The following FERMT2 variants were observed in gnomAD, a reference collection of about 807,000 sequenced individuals.
The protein encoded by FERMT2 is fermitin family homolog 2.
A neutral mutation model predicts 82.7 loss-of-function variants in FERMT2; 15 were observed. The observed-to-expected ratio is 0.18, with a 90% CI of 0.12 to 0.28. FERMT2 has a LOEUF of 0.28. Ranked by LOEUF, FERMT2 falls within the 10% of genes least tolerant of loss-of-function variation. The pLI is 1.00. For missense variants in FERMT2, 645 were observed against 809.4 expected (o/e 0.80, Z 2.46); for synonymous variants, 274 against 271.5 (o/e 1.01, Z -0.09).
At position 52,881,450 on chromosome 14, in the gene FERMT2, T is replaced by C. The variant is rs768059965; in HGVS notation, c.546A>G (p.Pro182=). 4.3e-6 allele frequency: 7 copies of C among 1,611,654 alleles called. No individual in the cohort carries two copies. The Admixed American group carries it at 1.2e-4, about 27-fold the overall frequency. Residue 182 remains proline, a synonymous_variant, in exon 5 of 15, where the codon CCA becomes CCG. Coordinates refer to ENST00000341590, the MANE Select transcript of FERMT2 (RefSeq NM_006832.3). ...TPGSGSIYSS[P]GLYSKTMTPT... is the part of the protein sequence containing the mutation. Reference sequence around the variant, plus strand: ...GGGTCATTGTTTTACTATACAGTCCTGGGCTTGAATATATACTTCCTAATA... The same window carrying C: ...GGGTCATTGTTTTACTATACAGTCCCGGGCTTGAATATATACTTCCTAATA...
chr14:52,919,053 G>A (rs1888789214), intron 3 of FERMT2, 70 bp downstream of exon 3: 4 of 1,065,216 alleles, frequency 3.8e-6, no homozygotes. Flanking sequence ...CTTGGGATAA[G>A]CTATGTCAGT....
intron 2 of FERMT2, among the ~76,000 whole-genome samples, chr14:52,924,618 G>A (rs1595001605): frequency 6.6e-6 from 1 of 152,142 alleles, no homozygotes. Flanking sequence ...AGAAGTTAAT[G>A]TGAGAGTGGA....
chr14:52,902,044 G>A (rs554256992), intron 3 of FERMT2, among the ~76,000 whole-genome samples: 1 of 151,612 alleles, frequency 6.6e-6, no homozygotes, highest in Non-Finnish European at 1.5e-5. Flanking sequence ...CGTGCTTAAT[G>A]AAGAGGCTGA....
chr14:52,926,932 G>C (rs1343039585), intron 2 of FERMT2, among the ~76,000 whole-genome samples: 2 of 152,028 alleles, frequency 1.3e-5, no homozygotes, highest in Non-Finnish European at 2.9e-5. Context: ...CCAGCATTCT[G>C]GAAAGAATTA....
intron 4 of FERMT2, among the ~76,000 whole-genome samples, chr14:52,892,164 T>G (rs1197033138): frequency 1.8e-5 from 1 of 55,472 alleles, no homozygotes. Context: ...AGGCTGTTTT[T>G]TGTTTTTTTT....
intron 13 of FERMT2, 109 bp from the exon 14 acceptor site, chr14:52,859,823 T>C (rs1228431869): frequency 3.8e-6 from 2 of 524,958 alleles, no homozygotes; most frequent in African/African-American, 2.0e-5. Context: ...TACTATTCTT[T>C]TTTTTTTTTT....
At chr14:52,886,566 G>A in intron 4 of FERMT2, among the ~76,000 whole-genome samples, 1 of 152,222 alleles carries the variant, frequency 6.6e-6, no homozygotes, top group Admixed American at 6.5e-5. Context: ...TTTTTCTATA[G>A]GTAAAACTCT....
At chr14:52,875,189 TA>T in intron 8 of FERMT2, 33 bp downstream of exon 8, 1 of 1,578,396 alleles carries the variant, frequency 6.3e-7, no homozygotes, top group South Asian at 1.2e-5. Context: ...CAATTCAAGC[TA>T]AATTAGTAGG....
At chr14:52,897,011 C>CACACAT (rs1331709114) in intron 3 of FERMT2, among the ~76,000 whole-genome samples, 2 of 125,468 alleles carry the variant, frequency 1.6e-5, no homozygotes, top group African/African-American at 5.6e-5. Context: ...CACACACACA[C>CACACAT]ACACACACAC....
intron 10 of FERMT2, among the ~76,000 whole-genome samples, chr14:52,867,094 C>T (rs1377247894): frequency 6.6e-6 from 1 of 151,436 alleles, no homozygotes; most frequent in Non-Finnish European, 1.5e-5. Flanking sequence ...AAAAGCTTTG[C>T]CTCCTTTTTT....
chr14:52,919,108 T>A lies in FERMT2; in HGVS notation c.391+15A>T, dbSNP rs766499734. ...ACATAACTCGTATTTTAAGAAGAAT[T>A]TATGTAATACTTACTAAAAGTCTTA... is the stretch of plus-strand genomic sequence containing the variant. On this transcript the variant is annotated intron_variant, in intron 3 of 14. Coordinates refer to ENST00000341590, the MANE Select transcript of FERMT2 (RefSeq NM_006832.3). 2 of 1,550,210 alleles carry A rather than the reference T, an allele frequency of 1.3e-6. No individual in the cohort carries two copies. The highest frequency in any genetic ancestry group is 2.3e-5 in the East Asian group (1 of 44,406).
intron 12 of FERMT2, chr14:52,863,029 G>A (rs1194814402): frequency 6.9e-6 from 1 of 144,472 alleles, no homozygotes; most frequent in African/African-American, 2.5e-5. Context: ...TTCACTTTTA[G>A]AAACAAGATT....
chr14:52,922,641 C>T (rs866219718), intron 2 of FERMT2, among the ~76,000 whole-genome samples: 1 of 152,086 alleles, frequency 6.6e-6, no homozygotes, highest in Non-Finnish European at 1.5e-5. Flanking sequence ...TACATATGGA[C>T]ACTAATAAAG....
intron 2 of FERMT2, chr14:52,928,224 T>G: frequency 4.4e-6 from 1 of 226,644 alleles, no homozygotes; most frequent in South Asian, 6.0e-5. Flanking sequence ...TAGATAATCT[T>G]TGCTAAGGCA....
intron 4 of FERMT2, among the ~76,000 whole-genome samples, chr14:52,890,448 A>G (rs952842192): frequency 2.0e-5 from 3 of 151,210 alleles, no homozygotes; most frequent in African/African-American, 7.3e-5. Flanking sequence ...CCGTCTGAAA[A>G]AAAAAAAAAA....
intron 12 of FERMT2, chr14:52,861,802 G>A (rs552508776): frequency 1.3e-5 from 2 of 152,208 alleles, no homozygotes; most frequent in South Asian, 2.1e-4. Flanking sequence ...TAATTGAAGG[G>A]AATTAAAGTA....
chr14:52,947,411 G>A (rs919325096), intron 2 of FERMT2, among the ~76,000 whole-genome samples: 4 of 152,230 alleles, frequency 2.6e-5, no homozygotes, highest in East Asian at 1.9e-4. Context: ...CCCAGGAGGC[G>A]GAGCTTGCAG....
chr14:52,907,209 C>T (rs550494345), intron 3 of FERMT2, among the ~76,000 whole-genome samples: 2 of 152,046 alleles, frequency 1.3e-5, no homozygotes, highest in African/African-American at 2.4e-5. Flanking sequence ...GATGGGGTTT[C>T]GCCATGTTGC....
intron 4 of FERMT2, among the ~76,000 whole-genome samples, chr14:52,888,134 T>C (rs1429153362): frequency 6.6e-6 from 1 of 152,140 alleles, no homozygotes; most frequent in East Asian, 1.9e-4. Context: ...ATATCAACAA[T>C]ATACACTACT....
Sources: gnomAD v4.1 joint callset for allele counts (sites outside exome capture counted in the v4.1 genomes callset) on GRCh38, gnomAD v4.1.1 for gene constraint, MANE v1.5 for transcripts, NCBI Gene and HGNC (gene_info 2026-07-23, HGNC 2026-07-21) for gene names.